The following WIPI1 variants were observed in gnomAD, a reference collection of about 807,000 sequenced individuals.
WIPI1 encodes the protein WD repeat domain, phosphoinositide interacting 1, also known as WD repeat domain phosphoinositide-interacting protein 1.
A neutral mutation model predicts 55.3 loss-of-function variants in WIPI1; 45 were observed. The observed-to-expected ratio is 0.81, with a 90% CI of 0.64 to 1.04. The LOEUF is 1.04. WIPI1 is among the 50% of genes least tolerant of loss of function. The pLI, the probability that WIPI1 is intolerant of heterozygous loss-of-function variation, is 0.00. For missense variants in WIPI1, 445 were observed against 559.0 expected (o/e 0.80, Z 2.06); for synonymous variants, 195 against 217.6 (o/e 0.90, Z 0.92).
intron 7 of WIPI1, 43 bp downstream of exon 7, chr17:68,434,513 C>G (rs775917111): frequency 4.4e-6 from 7 of 1,608,736 alleles, no homozygotes; most frequent in African/African-American, 2.7e-5. Flanking sequence ...CCCTGCGGGA[C>G]TTCTGCGGGG....
chr17:68,426,240 G>GT, intron 11 of WIPI1, 65 bp from the exon 12 acceptor site: 3 of 1,131,484 alleles, frequency 2.7e-6, no homozygotes, highest in Non-Finnish European at 3.9e-6. Flanking sequence ...TGACCTGGCG[G>GT]GTGGGGAGCG....
rs1454926862 is a variant in WIPI1 at position 68,437,003 on chromosome 17, A to AT, written c.431-525_431-524insA. Among the ~76,000 whole-genome samples, 36 of 60,392 alleles carry AT rather than the reference A, an allele frequency of 6.0e-4. No individual in the cohort carries two copies. In the East Asian group the frequency reaches 9.4e-3, roughly 16 times the overall value. The allele number at this position is 60,392 out of a possible 152,430, so 39.6% of individuals were successfully genotyped here. A position where few individuals can be genotyped will look rare whatever the true frequency, so the allele number is the denominator to read the frequency against. On this transcript the variant is annotated intron_variant, in intron 4 of 12. Coordinates refer to ENST00000262139, the MANE Select transcript of WIPI1 (RefSeq NM_017983.7). ...AGTGAGACCCCGTCTCAAAAAAAAA[A>AT]AAATATATATATATGTGTGTGTGTG...
Position 68,455,323 on chromosome 17 carries a change from C to A in WIPI1, c.80+2019G>T, listed in dbSNP as rs912205692. On this transcript the variant is annotated intron_variant, in intron 1 of 12. Coordinates refer to ENST00000262139, the MANE Select transcript of WIPI1 (RefSeq NM_017983.7). The stretch of plus-strand genomic sequence containing the variant: ...AGGCTGCACTGAGCCAAGACCACAC[C>A]ACTGCACTCCAGCCTGGGTGACAGA... Among the ~76,000 whole-genome samples, 59 of 146,088 alleles carry A rather than the reference C, an allele frequency of 4.0e-4. 2 individuals are homozygous for A. Among genetic ancestry groups the A allele is most frequent in the African/African-American group, 1.4e-3 (55 of 39,508 alleles).
chr17:68,457,201 T>TC, intron 1 of WIPI1, 141 bp downstream of exon 1: 1 of 970,780 alleles, frequency 1.0e-6, no homozygotes, highest in Non-Finnish European at 1.5e-6. Flanking sequence ...GATAACAAGA[T>TC]CCCAATGCGT....
Position 68,430,126 on chromosome 17 carries a change from T to C in WIPI1, c.835A>G (p.Met279Val). The change falls in exon 9 of 13, where the codon ATG becomes GTG. Residue 279 changes from methionine to valine, a missense_variant. Physicochemically the swap from Met to Val is conservative, Grantham distance 21. Coordinates refer to ENST00000262139, the MANE Select transcript of WIPI1 (RefSeq NM_017983.7). ...GTAGCAGCCATAAACATCTTTCCCA[T>C]GTAGCCACTCCAGGTCGAAGGCTCT... is the stretch of plus-strand genomic sequence containing the variant. ...PEEPSTWSGY[M>V]GKMFMAATNY... The C allele has an allele frequency of 1.2e-6, 2 of 1,614,044 alleles. No homozygotes were observed. The highest frequency in any genetic ancestry group is 1.7e-6 in the Non-Finnish European group (2 of 1,179,980).
chr17:68,453,241 G>A (rs1174861589), intron 1 of WIPI1, among the ~76,000 whole-genome samples: 1 of 152,084 alleles, frequency 6.6e-6, no homozygotes, highest in Non-Finnish European at 1.5e-5. Context: ...GAAACTGCAT[G>A]AGCTCTGTCA....
At position 68,444,396 on chromosome 17, in the gene WIPI1, A is replaced by G. The variant is rs2302781; in HGVS notation, c.430+97T>C. 62 of 1,107,342 alleles carry G rather than the reference A, an allele frequency of 5.6e-5. No individual in the cohort carries two copies. In the East Asian group the frequency reaches 1.5e-3, roughly 26 times the overall value. 68.6% of individuals were successfully genotyped at this position (1,107,342 alleles called of 1,614,324 possible). On this transcript the variant is annotated intron_variant, in intron 4 of 12. Transcript: ENST00000262139. ...CCTCACTAAGACTCAAAAAGCAAAC[A>G]CTGCTTCACGTTCGCAATTTGGAGG...
At chr17:68,454,885 A>G (rs3896656) in intron 1 of WIPI1, among the ~76,000 whole-genome samples, 108,559 of 151,932 alleles carry the variant, frequency 0.71, 39,247 homozygotes, top group South Asian at 0.78. Context: ...TGAGAAAATC[A>G]CAGAGTGATG....
chr17:68,436,523 A>G, intron 4 of WIPI1, 44 bp from the exon 5 acceptor site: 1 of 1,581,726 alleles, frequency 6.3e-7, no homozygotes, highest in Non-Finnish European at 8.7e-7. Flanking sequence ...GGGCCAAGGG[A>G]GAGATTGCAC....
At chr17:68,430,888 G>A (rs1452833276) in intron 8 of WIPI1, among the ~76,000 whole-genome samples, 1 of 152,216 alleles carries the variant, frequency 6.6e-6, no homozygotes, top group African/African-American at 2.4e-5. Context: ...TGCAGGATTA[G>A]GTCCTGGTGG....
At chr17:68,426,588 A>C (rs2083211643) in intron 11 of WIPI1, among the ~76,000 whole-genome samples, 1 of 152,170 alleles carries the variant, frequency 6.6e-6, no homozygotes, top group Non-Finnish European at 1.5e-5. Flanking sequence ...GCTGGAGTGC[A>C]GTGGTATGAT....
intron 4 of WIPI1, among the ~76,000 whole-genome samples, chr17:68,438,838 G>A (rs889253928): frequency 6.6e-6 from 1 of 152,226 alleles, no homozygotes; most frequent in Non-Finnish European, 1.5e-5. Context: ...GACCTCAGGT[G>A]ATCCATCTGC....
chr17:68,424,562 A>G, intron 12 of WIPI1: 1 of 524,272 alleles, frequency 1.9e-6, no homozygotes, highest in South Asian at 1.4e-5. Flanking sequence ...CTAGGAGCTG[A>G]TGCTCCAAGT....
At chr17:68,454,512 G>A (rs1052127338) in intron 1 of WIPI1, among the ~76,000 whole-genome samples, 1 of 152,102 alleles carries the variant, frequency 6.6e-6, no homozygotes, top group Non-Finnish European at 1.5e-5. Flanking sequence ...GTGACGTCTC[G>A]CAGCCCTCCA....
intron 12 of WIPI1, chr17:68,422,063 T>TTATATG: frequency 3.7e-6 from 2 of 538,540 alleles, no homozygotes; most frequent in Non-Finnish European, 6.7e-6. Flanking sequence ...GTGTATGTAT[T>TTATATG]TATATGTATA....
chr17:68,428,816 G>A lies in WIPI1; in HGVS notation c.1073+13C>T. The stretch of plus-strand genomic sequence containing the variant: ...CTCTCGAAAGGCTGTCTTTTGAAAA[G>A]CAGTCTCTTCACCTGTGGGTTTTGA... On this transcript the variant is annotated intron_variant, in intron 10 of 12. Transcript: ENST00000262139. The A allele has an allele frequency of 6.3e-7, 1 of 1,599,530 alleles. No individual in the cohort carries two copies. The highest frequency in any genetic ancestry group is 8.6e-7 in the Non-Finnish European group (1 of 1,167,134).
intron 7 of WIPI1, 115 bp from the exon 8 acceptor site, chr17:68,433,690 C>T: frequency 2.9e-6 from 2 of 681,992 alleles, no homozygotes; most frequent in East Asian, 3.2e-5. Context: ...CCTAGGTAGA[C>T]CCAGATCCCT....
chr17:68,443,535 C>T (rs1314961975), intron 4 of WIPI1, among the ~76,000 whole-genome samples: 1 of 152,132 alleles, frequency 6.6e-6, no homozygotes, highest in African/African-American at 2.4e-5. Context: ...TCATGCATGG[C>T]AGTTCCTGTG....
At chr17:68,428,746 C>T (rs1347160070) in intron 10 of WIPI1, 83 bp downstream of exon 10, 1 of 1,080,190 alleles carries the variant, frequency 9.3e-7, no homozygotes, top group Non-Finnish European at 1.4e-6. Context: ...TGCAAGGGCA[C>T]TGAAGCTTGT....
Sources: allele counts gnomAD v4.1 joint callset (sites outside exome capture counted in the v4.1 genomes callset), GRCh38; gene constraint gnomAD v4.1.1; transcripts MANE v1.5; gene names NCBI Gene and HGNC (gene_info 2026-07-23, HGNC 2026-07-21).